TRPM3: variants seen among roughly 807,000 people sequenced by gnomAD.
TRPM3 encodes transient receptor potential cation channel subfamily M member 3, also known as long transient receptor potential channel 3.
TRPM3 carries 77 observed loss-of-function variants against 181.2 expected under a neutral mutation model. The observed-to-expected ratio is 0.42, with a 90% confidence interval of 0.35 to 0.51. The LOEUF (loss-of-function observed/expected upper bound fraction) is 0.51, where lower values mean the gene tolerates loss of function less well. Among genes scored for constraint, TRPM3 ranks in the 20% least tolerant of loss-of-function variants. TRPM3 has a pLI of 0.01. For synonymous variants in TRPM3, 745 were observed against 796.4 expected (o/e 0.94, Z 1.09); for missense variants, 1,759 against 2,196.7 (o/e 0.80, Z 3.98).
At chr9:71,404,984 G>A (rs936452035) in intron 1 of TRPM3, among the ~76,000 whole-genome samples, 1 of 152,032 alleles carries the variant, frequency 6.6e-6, no homozygotes, top group South Asian at 2.1e-4. Context: ...GACCCCTTCG[G>A]CTCCTGCAGT....
chr9:70,565,518 G>A (rs563465881), intron 22 of TRPM3, among the ~76,000 whole-genome samples: 2 of 151,928 alleles, frequency 1.3e-5, no homozygotes, highest in Non-Finnish European at 1.5e-5. Flanking sequence ...GTCTCGAACC[G>A]CTGACCTCAT....
intron 1 of TRPM3, among the ~76,000 whole-genome samples, chr9:71,120,487 G>A (rs929455363): frequency 6.6e-6 from 1 of 152,176 alleles, no homozygotes; most frequent in African/African-American, 2.4e-5. Flanking sequence ...ACACACGGTG[G>A]CAATTCCTGC....
chr9:71,010,652 A>G (rs984117068), intron 1 of TRPM3, among the ~76,000 whole-genome samples: 1 of 152,194 alleles, frequency 6.6e-6, no homozygotes, highest in African/African-American at 2.4e-5. Flanking sequence ...ATGTGAAAAA[A>G]GAGGAACTCT....
intron 1 of TRPM3, among the ~76,000 whole-genome samples, chr9:71,210,180 C>T (rs533897794): frequency 6.6e-6 from 1 of 152,192 alleles, no homozygotes; most frequent in African/African-American, 2.4e-5. Flanking sequence ...GAAGCAGGAA[C>T]CCTTTTGTGA....
At chr9:70,857,703 G>A (rs1157279947) in intron 3 of TRPM3, among the ~76,000 whole-genome samples, 1 of 152,112 alleles carries the variant, frequency 6.6e-6, no homozygotes, top group Admixed American at 6.5e-5. Flanking sequence ...CTGTGACTCT[G>A]GGAAAATAAT....
chr9:71,017,317 G>C (rs2097792705), intron 1 of TRPM3, among the ~76,000 whole-genome samples: 1 of 151,784 alleles, frequency 6.6e-6, no homozygotes, highest in South Asian at 2.1e-4. Context: ...CAAATAGTAT[G>C]GTGGCCTATT....
chr9:70,587,293 T>C (rs1474053747), intron 22 of TRPM3, among the ~76,000 whole-genome samples: 1 of 152,180 alleles, frequency 6.6e-6, no homozygotes, highest in African/African-American at 2.4e-5. Flanking sequence ...AAAGGAGGAC[T>C]AAATTTAGAC....
intron 1 of TRPM3, among the ~76,000 whole-genome samples, chr9:71,114,725 T>A (rs1362403193): frequency 3.9e-5 from 6 of 152,088 alleles, no homozygotes; most frequent in Non-Finnish European, 8.8e-5. Context: ...TACCTTGGAA[T>A]CTAAGGGACA....
chr9:71,424,059 T>C (rs1487437106), intron 1 of TRPM3, among the ~76,000 whole-genome samples: 3 of 152,126 alleles, frequency 2.0e-5, no homozygotes, highest in African/African-American at 7.2e-5. Flanking sequence ...TAGGGTGCCT[T>C]TGAGCTCCAC....
intron 8 of TRPM3, among the ~76,000 whole-genome samples, chr9:70,683,217 G>T (rs1370485703): frequency 6.6e-6 from 1 of 151,990 alleles, no homozygotes; most frequent in Non-Finnish European, 1.5e-5. Flanking sequence ...ACAGATATTT[G>T]AACTGAAAAC....
chr9:70,585,219 A>G (rs1402606172), intron 22 of TRPM3, among the ~76,000 whole-genome samples: 2 of 152,220 alleles, frequency 1.3e-5, no homozygotes, highest in African/African-American at 2.4e-5. Context: ...AAAAGTCACC[A>G]GTGACTTCCT....
rs184267101 is a variant in TRPM3, at chr9:71,418,259, A to C, written c.183+28394T>G. ...AAACAGATTCTGGCAAACACAAACC[A>C]AAGGGAATTTATTAAGAGGATATCA... On this transcript the variant is annotated intron_variant, in intron 1 of 24. Coordinates refer to the TRPM3 transcript ENST00000357533. 4.9e-3 allele frequency among the ~76,000 whole-genome samples: 752 copies of C among 152,016 alleles called. 3 individuals carry two copies. The highest frequency in any genetic ancestry group is 0.015 in the African/African-American group (622 of 41,508).
At chr9:71,049,699 T>C (rs1414367413) in intron 1 of TRPM3, among the ~76,000 whole-genome samples, 1 of 152,014 alleles carries the variant, frequency 6.6e-6, no homozygotes, top group Non-Finnish European at 1.5e-5. Context: ...TCATTGTGGG[T>C]AGTTTGTGTT....
chr9:70,992,153 C>A (rs574957236), intron 1 of TRPM3, among the ~76,000 whole-genome samples: 1 of 152,142 alleles, frequency 6.6e-6, no homozygotes, highest in Non-Finnish European at 1.5e-5. Flanking sequence ...CTCCTTGTAC[C>A]ACTTGTGCTA....
At chr9:70,841,508 T>A (rs1343829278) in intron 5 of TRPM3, among the ~76,000 whole-genome samples, 1 of 149,978 alleles carries the variant, frequency 6.7e-6, no homozygotes. Context: ...TAAATCATTA[T>A]ATAAAAAAGA....
In TRPM3 at chr9:71,010,328, G is replaced by A. The variant is rs375964956; in HGVS notation, c.177+110850C>T. ...ATGGGAGAAAGAAGTTGCAAACCATGCATCGGACAAGGGGTTAATATCCAG... is the reference window on the plus strand; with the variant it reads ...ATGGGAGAAAGAAGTTGCAAACCATACATCGGACAAGGGGTTAATATCCAG... On this transcript the variant is annotated intron_variant, in intron 1 of 25. Coordinates refer to ENST00000677713, the MANE Select transcript of TRPM3 (RefSeq NM_001366145.2). Among the ~76,000 whole-genome samples, 14 of 152,140 alleles carry A rather than the reference G, an allele frequency of 9.2e-5. 1 individual carries two copies. In the South Asian group the frequency reaches 1.7e-3, roughly 18 times the overall value.
intron 20 of TRPM3, among the ~76,000 whole-genome samples, chr9:70,602,401 T>C (rs928714270): frequency 6.6e-6 from 1 of 152,170 alleles, no homozygotes; most frequent in Non-Finnish European, 1.5e-5. Context: ...GAGTCCTTTT[T>C]TCCTATGGTG....
chr9:70,874,133 G>C (rs1480965226), intron 1 of TRPM3, among the ~76,000 whole-genome samples: 1 of 151,894 alleles, frequency 6.6e-6, no homozygotes. Flanking sequence ...AATAGGTCAT[G>C]CTGTGTAAAT....
chr9:70,654,011 G>C (rs1426246224), intron 9 of TRPM3, among the ~76,000 whole-genome samples: 4 of 151,990 alleles, frequency 2.6e-5, no homozygotes, highest in Non-Finnish European at 5.9e-5. Context: ...TGTGTGTAAT[G>C]GCACTGAGAG....
Sources: allele counts gnomAD v4.1 joint callset (sites outside exome capture counted in the v4.1 genomes callset), GRCh38; gene constraint gnomAD v4.1.1; transcripts MANE v1.5; gene names NCBI Gene and HGNC (gene_info 2026-07-23, HGNC 2026-07-21).